Variants in KCNIP4 observed in about 807,000 individuals in gnomAD.
KCNIP4 encodes the protein potassium voltage-gated channel interacting protein 4, also known as Kv channel-interacting protein 4.
A neutral mutation model predicts 34.0 loss-of-function variants in KCNIP4; 12 were observed. The ratio of observed to expected loss-of-function variants is 0.35; its 90% CI spans 0.23 to 0.57. The LOEUF (loss-of-function observed/expected upper bound fraction) is 0.57. Among genes scored for constraint, KCNIP4 ranks in the 20% least tolerant of loss-of-function variants. KCNIP4 has a pLI of 0.83. For synonymous variants in KCNIP4, 124 were observed against 102.2 expected (o/e 1.21, Z -1.29); for missense variants, 238 against 311.7 (o/e 0.76, Z 1.78).
chr4:21,320,425 G>A (rs901363442), intron 1 of KCNIP4, among the ~76,000 whole-genome samples: 7 of 152,166 alleles, frequency 4.6e-5, no homozygotes, highest in Admixed American at 3.3e-4. Flanking sequence ...TGGCATAGGT[G>A]AGCTCCAAGT....
At chr4:21,643,065 A>G (rs576871301) in intron 1 of KCNIP4, among the ~76,000 whole-genome samples, 2 of 152,318 alleles carry the variant, frequency 1.3e-5, no homozygotes, top group Admixed American at 6.5e-5. Flanking sequence ...TGGTAATGAA[A>G]TAAGAGTTAC....
At chr4:21,948,296 A>G (rs1730615271) in intron 1 of KCNIP4, among the ~76,000 whole-genome samples, 3 of 152,312 alleles carry the variant, frequency 2.0e-5, no homozygotes, top group South Asian at 2.1e-4. Context: ...AGGCAAAAGT[A>G]CGCACAGGAT....
At chr4:21,332,568 A>G (rs1420294848) in intron 1 of KCNIP4, among the ~76,000 whole-genome samples, 2 of 151,966 alleles carry the variant, frequency 1.3e-5, no homozygotes, top group Non-Finnish European at 2.9e-5. Flanking sequence ...CAAGTCAGAA[A>G]CACAGGCACA....
At chr4:21,008,880 A>T (rs186943174) in intron 1 of KCNIP4, among the ~76,000 whole-genome samples, 13 of 152,014 alleles carry the variant, frequency 8.6e-5, no homozygotes, top group East Asian at 1.9e-4. Context: ...TCATTAGGAG[A>T]CACATTTAAA....
chr4:21,199,208 A>G (rs557886677), intron 1 of KCNIP4, among the ~76,000 whole-genome samples: 1 of 152,250 alleles, frequency 6.6e-6, no homozygotes, highest in Admixed American at 6.5e-5. Flanking sequence ...AAGTGTTCCT[A>G]TTTCTCCACA....
chr4:21,423,746 C>A (rs57583243), intron 1 of KCNIP4, among the ~76,000 whole-genome samples: 18,633 of 152,056 alleles, frequency 0.12, 1,297 homozygotes, highest in African/African-American at 0.18. Context: ...ATGCTACCAG[C>A]CAGCATTTGC....
intron 1 of KCNIP4, among the ~76,000 whole-genome samples, chr4:21,925,610 C>T (rs1729199752): frequency 2.0e-5 from 3 of 152,046 alleles, no homozygotes; most frequent in South Asian, 4.1e-4. Flanking sequence ...ATTCCTTTTC[C>T]CCCCACCCTC....
At position 20,779,052 on chromosome 4, in the gene KCNIP4, T is replaced by C. The variant is rs1756619727; in HGVS notation, c.289-20162A>G. On this transcript the variant is annotated intron_variant, in intron 3 of 8. Coordinates refer to ENST00000382152, the MANE Select transcript of KCNIP4 (RefSeq NM_025221.6). ...ATTATAAAGAGGAATCAAGATATCA[T>C]AGGAAGTGGGATTGAAAACACTAGG... 3.3e-5 allele frequency among the ~76,000 whole-genome samples: 5 copies of C among 152,024 alleles called. 1 individual carries two copies. Among genetic ancestry groups the C allele is most frequent in the South Asian group, 4.1e-4 (2 of 4,824 alleles).
At chr4:21,165,688 A>G (rs564695622) in intron 1 of KCNIP4, among the ~76,000 whole-genome samples, 3 of 152,112 alleles carry the variant, frequency 2.0e-5, no homozygotes, top group Non-Finnish European at 4.4e-5. Flanking sequence ...ATTAAGTGGG[A>G]CTCCATTAAA....
chr4:21,460,100 CCCG>C (rs140740777), intron 1 of KCNIP4, among the ~76,000 whole-genome samples: 15,072 of 130,650 alleles, frequency 0.12, 864 homozygotes, highest in Non-Finnish European at 0.18. Context: ...AAATCTGCCC[CCCG>C]CCCCCCATCT....
chr4:21,492,514 G>A (rs1036825304), intron 1 of KCNIP4, among the ~76,000 whole-genome samples: 1 of 152,122 alleles, frequency 6.6e-6, no homozygotes, highest in Non-Finnish European at 1.5e-5. Flanking sequence ...ATGAGCCATG[G>A]CACTCAGCCC....
chr4:20,886,077 C>T (rs1349291294), intron 1 of KCNIP4, among the ~76,000 whole-genome samples: 1 of 152,186 alleles, frequency 6.6e-6, no homozygotes. Context: ...GTCTTCCCTA[C>T]TGAAATGGAA....
Position 21,157,821 on chromosome 4 carries a change from G to A in KCNIP4, c.62-275112C>T, listed in dbSNP as rs184944851. Reference sequence around the variant, plus strand: ...AAATCCCCTGTAAGCAAAAGGTAATGATATTAATCAGAGCAGAAAACAGTA... The same window carrying A: ...AAATCCCCTGTAAGCAAAAGGTAATAATATTAATCAGAGCAGAAAACAGTA... On this transcript the variant is annotated intron_variant, in intron 1 of 8. Transcript: ENST00000382152. 2.5e-3 allele frequency among the ~76,000 whole-genome samples: 385 copies of A among 151,994 alleles called. 3 individuals are homozygous for A. The highest frequency in any genetic ancestry group is 8.8e-3 in the African/African-American group (365 of 41,492).
chr4:21,146,223 C>T (rs1334154054), intron 1 of KCNIP4, among the ~76,000 whole-genome samples: 9 of 151,984 alleles, frequency 5.9e-5, no homozygotes, highest in Non-Finnish European at 1.0e-4. Flanking sequence ...ACAGTGAAAC[C>T]CCGTCTCTAC....
At chr4:21,896,099 C>T (rs752539113) in intron 1 of KCNIP4, among the ~76,000 whole-genome samples, 23 of 152,150 alleles carry the variant, frequency 1.5e-4, no homozygotes, top group Non-Finnish European at 3.1e-4. Context: ...CCTTTCCATA[C>T]ATTGTCTCAC....
intron 1 of KCNIP4, among the ~76,000 whole-genome samples, chr4:21,165,504 A>G (rs1244364543): frequency 6.6e-6 from 1 of 151,724 alleles, no homozygotes; most frequent in East Asian, 1.9e-4. Context: ...TAGGTATTCA[A>G]ATGAAAATTA....
intron 1 of KCNIP4, among the ~76,000 whole-genome samples, chr4:20,957,561 T>A (rs927514327): frequency 1.4e-5 from 2 of 144,944 alleles, no homozygotes; most frequent in Non-Finnish European, 3.0e-5. Flanking sequence ...AAAGCCTATG[T>A]CCTGCTGCTA....
intron 1 of KCNIP4, among the ~76,000 whole-genome samples, chr4:21,764,524 T>C (rs867699683): frequency 2.0e-5 from 3 of 152,126 alleles, no homozygotes; most frequent in Non-Finnish European, 4.4e-5. Flanking sequence ...TTGGTACCCA[T>C]AGTTGGTGAT....
At chr4:21,478,001 T>G (rs1043871075) in intron 1 of KCNIP4, among the ~76,000 whole-genome samples, 1 of 152,228 alleles carries the variant, frequency 6.6e-6, no homozygotes, top group African/African-American at 2.4e-5. Flanking sequence ...GTATCTAGCC[T>G]GTTAGTGTCA....
Sources: gnomAD v4.1 joint callset for allele counts (sites outside exome capture counted in the v4.1 genomes callset) on GRCh38, gnomAD v4.1.1 for gene constraint, MANE v1.5 for transcripts, NCBI Gene and HGNC (gene_info 2026-07-23, HGNC 2026-07-21) for gene names.